TNR: variants seen among roughly 807,000 people sequenced by gnomAD.
The protein encoded by TNR is tenascin R.
In TNR, 45 loss-of-function variants were observed where a neutral mutation model predicts 150.4. The ratio of observed to expected loss-of-function variants is 0.30; its 90% CI spans 0.24 to 0.38. The LOEUF is 0.38. Ranked by LOEUF, TNR falls within the 10% of genes least tolerant of loss-of-function variation. The pLI is 1.00. For synonymous variants in TNR, 687 were observed against 678.4 expected (o/e 1.01, Z -0.20); for missense variants, 1,544 against 1,759.1 (o/e 0.88, Z 2.19).
intron 1 of TNR, among the ~76,000 whole-genome samples, chr1:175,640,632 G>C (rs1310932592): frequency 6.6e-6 from 1 of 151,956 alleles, no homozygotes; most frequent in African/African-American, 2.4e-5. Context: ...ATATCTCCTT[G>C]GGCTCACGAC....
intron 1 of TNR, among the ~76,000 whole-genome samples, chr1:175,573,960 T>A (rs778776439): frequency 1.4e-4 from 22 of 152,208 alleles, no homozygotes; most frequent in Non-Finnish European, 2.5e-4. Context: ...CTTCTTCCCA[T>A]TTCCTGCATA....
At chr1:175,555,233 T>C (rs1257802894) in intron 1 of TNR, among the ~76,000 whole-genome samples, 1 of 152,056 alleles carries the variant, frequency 6.6e-6, no homozygotes, top group Non-Finnish European at 1.5e-5. Context: ...CCCCTATAGA[T>C]ACATACAGAG....
chr1:175,552,821 TC>T (rs1558002402), intron 1 of TNR, among the ~76,000 whole-genome samples: 1 of 152,244 alleles, frequency 6.6e-6, no homozygotes, highest in Non-Finnish European at 1.5e-5. Flanking sequence ...CTGCTTCTTT[TC>T]TCGTGCCTCC....
chr1:175,620,253 T>C (rs746776205), intron 1 of TNR, among the ~76,000 whole-genome samples: 13 of 152,198 alleles, frequency 8.5e-5, no homozygotes, highest in Non-Finnish European at 1.5e-4. Context: ...GAGTGTGCAC[T>C]TTCAGCTAGA....
chr1:175,539,690 G>C (rs978282561), intron 1 of TNR, among the ~76,000 whole-genome samples: 2 of 152,166 alleles, frequency 1.3e-5, no homozygotes, highest in Admixed American at 6.5e-5. Flanking sequence ...AATCAAGAAG[G>C]CATATCCTGA....
intron 1 of TNR, among the ~76,000 whole-genome samples, chr1:175,681,476 G>A (rs2101910490): frequency 6.6e-6 from 1 of 152,268 alleles, no homozygotes; most frequent in East Asian, 1.9e-4. Flanking sequence ...TGTGGAGGAA[G>A]GCTCCATCTA....
intron 10 of TNR, 92 bp from the exon 11 acceptor site, chr1:175,366,230 G>T: frequency 7.3e-7 from 1 of 1,369,690 alleles, no homozygotes; most frequent in Non-Finnish European, 9.8e-7. Context: ...GCTATCAGCA[G>T]GCCTGCTGAC....
intron 2 of TNR, among the ~76,000 whole-genome samples, chr1:175,449,989 C>A (rs12743126): frequency 0.1 from 15,513 of 152,154 alleles, 1,490 homozygotes; most frequent in African/African-American, 0.26. Context: ...AGTGCAGGCT[C>A]ACTGTCCCAC....
intron 2 of TNR, among the ~76,000 whole-genome samples, chr1:175,433,696 C>T (rs1431526670): frequency 6.6e-6 from 1 of 152,172 alleles, no homozygotes; most frequent in Admixed American, 6.5e-5. Context: ...GTTGTATGTA[C>T]ATTCATAAAG....
intron 9 of TNR, among the ~76,000 whole-genome samples, chr1:175,378,066 A>G (rs1241538930): frequency 1.3e-5 from 2 of 152,116 alleles, no homozygotes; most frequent in Non-Finnish European, 2.9e-5. Flanking sequence ...AGTCCATGCC[A>G]TCATCATCTC....
intron 2 of TNR, among the ~76,000 whole-genome samples, chr1:175,446,213 G>A (rs747621258): frequency 1.3e-5 from 2 of 152,168 alleles, no homozygotes; most frequent in African/African-American, 2.4e-5. Flanking sequence ...AGTGCAGCAA[G>A]AGAATCACAG....
intron 18 of TNR, among the ~76,000 whole-genome samples, chr1:175,344,118 C>T (rs778246580): frequency 6.6e-6 from 1 of 152,180 alleles, no homozygotes; most frequent in Non-Finnish European, 1.5e-5. Context: ...TTTAAGTACT[C>T]CTTTTGAGAT....
At chr1:175,706,633 C>T (rs188171250) in intron 1 of TNR, among the ~76,000 whole-genome samples, 2 of 152,090 alleles carry the variant, frequency 1.3e-5, no homozygotes, top group African/African-American at 4.8e-5. Flanking sequence ...CCGAGGGAAC[C>T]ACCTTCTGAT....
chr1:175,370,183 A>AT (rs1356190808), intron 9 of TNR, among the ~76,000 whole-genome samples: 11 of 152,102 alleles, frequency 7.2e-5, no homozygotes, highest in African/African-American at 2.7e-4. Flanking sequence ...ATGAACCTCA[A>AT]TTTCTGAAGA....
Position 175,317,140 on chromosome 1 carries a change from A to G in TNR, c.*6217T>C, listed in dbSNP as rs1368812812. On this transcript the variant is annotated 3_prime_UTR_variant, in exon 23 of 23. Coordinates refer to ENST00000367674, the MANE Select transcript of TNR (RefSeq NM_003285.3). ...GACTTAAAGTTTATGGTGAGGATTT[A>G]GTAAAGTAATATATGTAAAGCCCTT... The G allele has an allele frequency of 6.6e-6, 1 of 152,242 alleles. No individual in the cohort carries two copies. Among genetic ancestry groups the G allele is most frequent in the Non-Finnish European group, 1.5e-5 (1 of 68,050 alleles). 9.4% of individuals were successfully genotyped at this position (152,242 alleles called of 1,614,324 possible).
At chr1:175,639,713 C>G (rs1470991402) in intron 1 of TNR, among the ~76,000 whole-genome samples, 1 of 152,198 alleles carries the variant, frequency 6.6e-6, no homozygotes, top group Non-Finnish European at 1.5e-5. Context: ...ACTTTCCAGC[C>G]TCACCAAGGA....
intron 1 of TNR, among the ~76,000 whole-genome samples, chr1:175,569,046 G>A (rs1417522400): frequency 1.3e-5 from 2 of 151,942 alleles, no homozygotes; most frequent in Non-Finnish European, 2.9e-5. Flanking sequence ...GTGGTTGGCC[G>A]GGAAGGAGAG....
intron 2 of TNR, among the ~76,000 whole-genome samples, chr1:175,495,872 C>A (rs535555239): frequency 6.6e-5 from 10 of 152,186 alleles, no homozygotes; most frequent in African/African-American, 1.9e-4. Context: ...TGTATCTTTT[C>A]GAATTCATTC....
At chr1:175,457,893 T>C (rs965582088) in intron 2 of TNR, among the ~76,000 whole-genome samples, 3 of 152,244 alleles carry the variant, frequency 2.0e-5, no homozygotes, top group East Asian at 1.9e-4. Context: ...GGAACAAAAA[T>C]TGATATCATA....
Sources: allele counts gnomAD v4.1 joint callset (sites outside exome capture counted in the v4.1 genomes callset), GRCh38; gene constraint gnomAD v4.1.1; transcripts MANE v1.5; gene names NCBI Gene and HGNC (gene_info 2026-07-23, HGNC 2026-07-21).